Variants in NAV2 observed in about 807,000 individuals in gnomAD.
NAV2 encodes neuron navigator 2.
A neutral mutation model predicts 223.2 loss-of-function variants in NAV2; 54 were observed. That is an observed-to-expected ratio of 0.24 (90% CI 0.19 to 0.30). NAV2 has a LOEUF of 0.30. Ranked by LOEUF, NAV2 falls within the 10% of genes least tolerant of loss-of-function variation. The pLI is 1.00. For synonymous variants in NAV2, 1,279 were observed against 1,239.3 expected (o/e 1.03, Z -0.67); for missense variants, 2,806 against 3,147.5 (o/e 0.89, Z 2.60).
chr11:19,641,653 G>A (rs58399288), intron 1 of NAV2, among the ~76,000 whole-genome samples: 3,176 of 151,646 alleles, frequency 0.021, 111 homozygotes, highest in African/African-American at 0.073. Context: ...ACCTTCCGGC[G>A]TTTGCACTGG....
intron 1 of NAV2, among the ~76,000 whole-genome samples, chr11:19,642,075 T>G (rs1244771298): frequency 6.6e-6 from 1 of 152,192 alleles, no homozygotes; most frequent in East Asian, 1.9e-4. Flanking sequence ...CTCTGTTTGT[T>G]GCCGAGATGG....
At chr11:19,435,278 T>C (rs1433707805) in intron 1 of NAV2, among the ~76,000 whole-genome samples, 1 of 152,160 alleles carries the variant, frequency 6.6e-6, no homozygotes, top group Non-Finnish European at 1.5e-5. Flanking sequence ...CTCTTTCTTC[T>C]ATGAGTCTGG....
chr11:19,593,650 C>T (rs2046121777), intron 1 of NAV2, among the ~76,000 whole-genome samples: 2 of 152,194 alleles, frequency 1.3e-5, no homozygotes, highest in Admixed American at 6.5e-5. Context: ...TACCATTTTA[C>T]ATTCCCACCA....
intron 26 of NAV2, among the ~76,000 whole-genome samples, chr11:20,089,151 G>A (rs1218877989): frequency 3.3e-5 from 5 of 152,192 alleles, no homozygotes; most frequent in Non-Finnish European, 7.3e-5. Flanking sequence ...ATTGGCTTCA[G>A]TCTCTCAAAA....
chr11:19,663,230 A>T (rs2048332058), intron 1 of NAV2, among the ~76,000 whole-genome samples: 1 of 152,246 alleles, frequency 6.6e-6, no homozygotes, highest in Admixed American at 6.5e-5. Flanking sequence ...ATGTAATTTC[A>T]TATTGAATAT....
upstream of NAV2, among the ~76,000 whole-genome samples, chr11:19,709,835 G>T (rs1021958144): frequency 6.6e-6 from 1 of 151,856 alleles, no homozygotes; most frequent in Non-Finnish European, 1.5e-5. Flanking sequence ...AAAGCAAATA[G>T]AATTACTAAA....
At chr11:19,399,867 C>A (rs1201992748) in intron 1 of NAV2, among the ~76,000 whole-genome samples, 1 of 152,156 alleles carries the variant, frequency 6.6e-6, no homozygotes, top group Non-Finnish European at 1.5e-5. Flanking sequence ...GATGGGATGG[C>A]TCTAGGAGTA....
rs1591337616 is a variant in NAV2 at position 19,939,914 on chromosome 11, T to TC, written c.2146+141_2146+142insC. The TC allele has an allele frequency of 1.5e-4, 82 of 541,014 alleles. No homozygotes were observed. In the East Asian group the frequency reaches 2.6e-3, roughly 17 times the overall value. 33.5% of individuals were successfully genotyped at this position (541,014 alleles called of 1,614,324 possible). On this transcript the variant is annotated intron_variant, in intron 8 of 37. Transcript: ENST00000349880. Reference sequence around the variant, plus strand: ...TTGAGCTAAACAAACTTTCTTTCTTTTTTTTTTTCCTATTATTTTTCTTCT... The same window carrying TC: ...TTGAGCTAAACAAACTTTCTTTCTTTCTTTTTTTTCCTATTATTTTTCTTCT...
At chr11:20,096,506 A>T (rs1216722819) in intron 30 of NAV2, among the ~76,000 whole-genome samples, 1 of 152,156 alleles carries the variant, frequency 6.6e-6, no homozygotes, top group Non-Finnish European at 1.5e-5. Context: ...CAAGCCCCTT[A>T]TATTATCCCA....
chr11:19,854,866 T>C (rs1260730048), intron 3 of NAV2, among the ~76,000 whole-genome samples: 2 of 152,220 alleles, frequency 1.3e-5, no homozygotes, highest in Non-Finnish European at 2.9e-5. Flanking sequence ...CATGGACTGA[T>C]TACTTATTGC....
intron 1 of NAV2, among the ~76,000 whole-genome samples, chr11:19,750,398 T>C (rs965310027): frequency 6.6e-6 from 1 of 152,250 alleles, no homozygotes; most frequent in African/African-American, 2.4e-5. Flanking sequence ...CCAGGTATTT[T>C]TCTGTCGTTC....
chr11:20,079,176 G>T (rs2059940104), intron 24 of NAV2, among the ~76,000 whole-genome samples: 1 of 152,162 alleles, frequency 6.6e-6, no homozygotes, highest in Non-Finnish European at 1.5e-5. Flanking sequence ...GAGTAGCTGG[G>T]ACTACAGGCG....
At chr11:19,682,830 T>C (rs1300441684) in intron 1 of NAV2, among the ~76,000 whole-genome samples, 3 of 151,992 alleles carry the variant, frequency 2.0e-5, no homozygotes, top group Non-Finnish European at 2.9e-5. Flanking sequence ...ACCAAACACC[T>C]CCCACCAGGC....
chr11:19,753,281 C>T, intron 1 of NAV2, among the ~76,000 whole-genome samples: 1 of 152,144 alleles, frequency 6.6e-6, no homozygotes, highest in East Asian at 1.9e-4. Flanking sequence ...TGCCTCTAGG[C>T]CTTTGCATAT....
At chr11:20,110,893 A>G (rs1198850819) in intron 36 of NAV2, among the ~76,000 whole-genome samples, 1 of 152,136 alleles carries the variant, frequency 6.6e-6, no homozygotes, top group Non-Finnish European at 1.5e-5. Context: ...GAGTCCCTAG[A>G]ATGGGTTCTG....
chr11:19,358,738 C>A (rs971859961), intron 1 of NAV2, among the ~76,000 whole-genome samples: 1 of 152,098 alleles, frequency 6.6e-6, no homozygotes, highest in Non-Finnish European at 1.5e-5. Flanking sequence ...TTCCTTCAGA[C>A]CCCCTCTTCC....
rs150009716 is a variant in NAV2, at chr11:19,934,062, C to T, written c.1818C>T (p.Asp606=). Residue 606 remains aspartate (D), a synonymous_variant, in exon 7 of 38, where the codon GAC becomes GAT. Transcript: ENST00000349880. ...SGLPQQKPQL[D]GRHSSSSSSL... ...TCCCCCAGCAGAAGCCCCAGCTGGA[C>T]GGCAGACACTCCAGTTCCTCTTCCA... is the stretch of plus-strand genomic sequence containing the variant. 142 of 1,606,336 alleles carry T rather than the reference C, an allele frequency of 8.8e-5. No homozygotes were observed. The highest frequency in any genetic ancestry group is 1.1e-4 in the Non-Finnish European group (125 of 1,176,104).
At chr11:19,909,859 C>T (rs765710640) in intron 6 of NAV2, among the ~76,000 whole-genome samples, 3 of 152,040 alleles carry the variant, frequency 2.0e-5, no homozygotes, top group Non-Finnish European at 2.9e-5. Context: ...ATGTTACAAA[C>T]GCCTGCCTTA....
chr11:19,696,966 A>ATC (rs2152275109), intron 1 of NAV2, among the ~76,000 whole-genome samples: 2 of 152,318 alleles, frequency 1.3e-5, no homozygotes, highest in African/African-American at 4.8e-5. Flanking sequence ...AAAGACAAGA[A>ATC]AACTGAGGCA....
Sources: allele counts gnomAD v4.1 joint callset (sites outside exome capture counted in the v4.1 genomes callset), GRCh38; gene constraint gnomAD v4.1.1; transcripts MANE v1.5; gene names NCBI Gene and HGNC (gene_info 2026-07-23, HGNC 2026-07-21).